Variants in XKRX observed in about 807,000 individuals in gnomAD.
XKRX encodes XK-related protein 2.
Under a neutral mutation model 22.4 loss-of-function variants are expected in XKRX, and 11 were observed. The observed-to-expected ratio is 0.49, with a 90% confidence interval of 0.31 to 0.81. XKRX has a LOEUF of 0.81. Ranked by LOEUF, XKRX falls within the 40% of genes least tolerant of loss-of-function variation. XKRX has a pLI of 0.05. For missense variants in XKRX, 320 were observed against 336.5 expected (o/e 0.95, Z 0.38); for synonymous variants, 114 against 132.2 (o/e 0.86, Z 0.94).
the XKRX span, among the ~76,000 whole-genome samples, chrX:100,950,195 A>G: frequency 8.9e-6 from 1 of 112,027 alleles, no homozygotes; most frequent in Non-Finnish European, 1.9e-5. Flanking sequence ...TAGGGGGCTG[A>G]AAAAGTTCTG....
the XKRX span, among the ~76,000 whole-genome samples, chrX:100,936,965 T>C: frequency 9.4e-6 from 1 of 106,211 alleles, no homozygotes; most frequent in Admixed American, 1.0e-4. Context: ...ACAGGGTCTG[T>C]GGGAGCACAT....
chrX:100,922,843 G>A lies in XKRX; in HGVS notation c.554C>T (p.Thr185Ile), dbSNP rs2085479805. Residue 185 changes from threonine (T) to isoleucine (I), a missense_variant, in exon 2 of 3, where the codon ACC (threonine) becomes ATC (isoleucine). Thr to Ile is a moderately conservative substitution (Grantham distance 89, BLOSUM62 -1). Coordinates refer to ENST00000372956, the MANE Select transcript of XKRX (RefSeq NM_212559.3). Reference protein sequence around the residue: ...QAFLGSVPQLTYQLYVSLISA... With the variant: ...QAFLGSVPQLIYQLYVSLISA... ...GATCAGGCTCACATAGAGCTGATAG[G>A]TCAGCTGGGGCACTGAGCCCAGGAA... 3 of 1,208,897 alleles carry A rather than the reference G, an allele frequency of 2.5e-6. No homozygotes were observed. Among genetic ancestry groups the A allele is most frequent in the South Asian group, 1.8e-5 (1 of 56,718 alleles).
the XKRX span, among the ~76,000 whole-genome samples, chrX:100,902,378 T>G: frequency 8.9e-6 from 1 of 111,919 alleles, no homozygotes; most frequent in African/African-American, 3.2e-5. Flanking sequence ...TGGAAAAGAA[T>G]GAAACAATTC....
At chrX:100,926,462 T>C (rs113197030) in intron 1 of XKRX, among the ~76,000 whole-genome samples, 17,842 of 111,870 alleles carry the variant, frequency 0.16, 1,111 homozygotes, top group Non-Finnish European at 0.19. Flanking sequence ...AAATAAAAAT[T>C]ATACATGTGT....
chrX:100,950,753 C>A, the XKRX span, among the ~76,000 whole-genome samples: 2 of 112,261 alleles, frequency 1.8e-5, no homozygotes, highest in Admixed American at 9.5e-5. Context: ...ATGGGAAAAT[C>A]TCCAAACATT....
At chrX:100,887,888 T>A in the XKRX span, 1 of 1,163,282 alleles carries the variant, frequency 8.6e-7, no homozygotes, top group South Asian at 1.8e-5. Context: ...TGCCACCATA[T>A]CCACCACCAC....
chrX:100,887,788 G>T, the XKRX span: 13 of 940,725 alleles, frequency 1.4e-5, no homozygotes, highest in Admixed American at 4.4e-5. Context: ...AAAATTTGAA[G>T]ACTGACTGTT....
chrX:100,915,451 T>C (rs891978609), intron 2 of XKRX, among the ~76,000 whole-genome samples: 9 of 110,003 alleles, frequency 8.2e-5, no homozygotes, highest in Non-Finnish European at 1.5e-4. Flanking sequence ...TGTGGGAACA[T>C]AAACTGACAC....
At chrX:100,900,692 G>A in the XKRX span, among the ~76,000 whole-genome samples, 1 of 108,540 alleles carries the variant, frequency 9.2e-6, no homozygotes. Context: ...TTCAAAGACT[G>A]AATCTATCAT....
chrX:100,929,590 A>C (rs2085514052), upstream of XKRX, among the ~76,000 whole-genome samples: 1 of 111,488 alleles, frequency 9.0e-6, no homozygotes, highest in African/African-American at 3.3e-5. Context: ...CCTCCAGATA[A>C]TATCATGAAG....
At chrX:100,888,505 GCT>G in the XKRX span, 1 of 772,526 alleles carries the variant, frequency 1.3e-6, no homozygotes, top group Non-Finnish European at 2.0e-6. Context: ...GGCTCCTCAG[GCT>G]CTCGTCGGTT....
At chrX:100,947,785 A>G in the XKRX span, among the ~76,000 whole-genome samples, 2 of 112,419 alleles carry the variant, frequency 1.8e-5, no homozygotes, top group Non-Finnish European at 3.7e-5. Flanking sequence ...CAGCAGGAAA[A>G]TCGGAACCCA....
In XKRX at chrX:100,914,854, C is replaced by A; in HGVS notation, c.834G>T (p.Leu278=). The A allele has an allele frequency of 1.7e-6, 2 of 1,211,698 alleles. No homozygotes were observed. Among genetic ancestry groups the A allele is most frequent in the Non-Finnish European group, 2.2e-6 (2 of 895,564 alleles). ...TAATCCAGGGCTCAAAGAGGATGATCAGGAAGTTGAGCACTAGGAAGGGCA... is the reference window on the plus strand; with the variant it reads ...TAATCCAGGGCTCAAAGAGGATGATAAGGAAGTTGAGCACTAGGAAGGGCA... ...KAVPFLVLNF[L]IILFEPWIKF... is the part of the protein sequence containing the mutation. Residue 278 remains leucine, a synonymous_variant, in exon 3 of 3, where the codon CTG becomes CTT. Coordinates refer to ENST00000372956, the MANE Select transcript of XKRX (RefSeq NM_212559.3).
At chrX:100,939,342 T>C in the XKRX span, among the ~76,000 whole-genome samples, 1 of 111,852 alleles carries the variant, frequency 8.9e-6, no homozygotes, top group African/African-American at 3.2e-5. Context: ...ACCTAAGAGA[T>C]CAAAGTTAGG....
the XKRX span, among the ~76,000 whole-genome samples, chrX:100,942,702 T>C: frequency 9.0e-6 from 1 of 111,717 alleles, no homozygotes. Context: ...TCTGGGTTTA[T>C]CTCTGTGTCC....
chrX:100,890,342 A>G, the XKRX span, among the ~76,000 whole-genome samples: 1 of 110,911 alleles, frequency 9.0e-6, no homozygotes, highest in Non-Finnish European at 1.9e-5. Flanking sequence ...TGACACATAC[A>G]GTTATTAGCA....
the XKRX span, among the ~76,000 whole-genome samples, chrX:100,936,266 C>G: frequency 1.3e-3 from 140 of 110,379 alleles, 2 homozygotes; most frequent in African/African-American, 4.6e-3. Flanking sequence ...CATGGCCGGG[C>G]AAGGTGGCTC....
At chrX:100,896,891 C>CA in the XKRX span, among the ~76,000 whole-genome samples, 2 of 111,171 alleles carry the variant, frequency 1.8e-5, no homozygotes, top group East Asian at 2.8e-4. Context: ...GAATCAATCC[C>CA]AAAAAACTAA....
chrX:100,952,688 T>G, the XKRX span, among the ~76,000 whole-genome samples: 1 of 112,006 alleles, frequency 8.9e-6, no homozygotes, highest in Non-Finnish European at 1.9e-5. Flanking sequence ...TAGATGGATC[T>G]AAAGGGAATT....
Sources: allele counts gnomAD v4.1 joint callset (sites outside exome capture counted in the v4.1 genomes callset), GRCh38; gene constraint gnomAD v4.1.1; transcripts MANE v1.5; gene names NCBI Gene and HGNC (gene_info 2026-07-23, HGNC 2026-07-21).